KCNJ14: variants seen among roughly 807,000 people sequenced by gnomAD.
KCNJ14 encodes potassium inwardly rectifying channel subfamily J member 14.
Under a neutral mutation model 24.5 loss-of-function variants are expected in KCNJ14, and 18 were observed. The ratio of observed to expected loss-of-function variants is 0.74; its 90% confidence interval spans 0.51 to 1.09. KCNJ14 has a LOEUF of 1.09. KCNJ14 is among the 50% of genes least tolerant of loss of function. The pLI is 0.00. For missense variants in KCNJ14, 633 were observed against 623.0 expected (o/e 1.02, Z -0.17); for synonymous variants, 288 against 270.8 (o/e 1.06, Z -0.63).
At chr19:48,457,315 A>C (rs1388983878) in intron 1 of KCNJ14, among the ~76,000 whole-genome samples, 1 of 152,180 alleles carries the variant, frequency 6.6e-6, no homozygotes, top group Non-Finnish European at 1.5e-5. Flanking sequence ...GCTGAGGCTC[A>C]GGAAAGGATT....
rs1186738528 is a variant in KCNJ14, at chr19:48,461,976, G to A, written c.252G>A (p.Val84=). Reference sequence around the variant, plus strand: ...ACCTGTTCACCACATGCGTGGACGTGCGCTGGCGCTGGATGTGCCTGCTCT... The same window carrying A: ...ACCTGTTCACCACATGCGTGGACGTACGCTGGCGCTGGATGTGCCTGCTCT... ...LSDLFTTCVD[V]RWRWMCLLFS... is the part of the protein sequence containing the mutation. The change falls in exon 2 of 3, where the codon GTG becomes GTA. Residue 84 remains valine, a synonymous_variant. Transcript: ENST00000342291. 1.9e-6 allele frequency: 3 copies of A among 1,613,048 alleles called. No homozygotes were observed. Among genetic ancestry groups the A allele is most frequent in the South Asian group, 1.1e-5 (1 of 91,068 alleles).
At position 48,461,550 on chromosome 19, in the gene KCNJ14, A is replaced by AAAAAAAAAAAAAAAG. The variant is rs370425889; in HGVS notation, c.-55-120_-55-119insAAAAAAAAAAAAAAG. ...CTCCAAAAAAAAAAAAAAAAAAAAAATGCGTATCGTTCCACCTATTTGACA... is the reference window on the plus strand; with the variant it reads ...CTCCAAAAAAAAAAAAAAAAAAAAAAAAAAAAAAAAAAAAGTGCGTATCGTTCCACCTATTTGACA... On this transcript the variant is annotated intron_variant, in intron 1 of 2. Transcript: ENST00000342291. 2.3e-3 allele frequency: 796 copies of AAAAAAAAAAAAAAAG among 351,296 alleles called. 89 individuals are homozygous for AAAAAAAAAAAAAAAG. Among genetic ancestry groups the AAAAAAAAAAAAAAAG allele is most frequent in the African/African-American group, 0.019 (606 of 32,646 alleles). 21.8% of individuals were successfully genotyped at this position (351,296 alleles called of 1,614,324 possible).
rs1254380508 is a variant in KCNJ14 at position 48,462,538 on chromosome 19, GACTACA to G, written c.714+104_714+109del. The G allele has an allele frequency of 1.1e-6, 1 of 889,004 alleles. No individual in the cohort carries two copies. The highest frequency in any genetic ancestry group is 1.7e-5 in the African/African-American group (1 of 57,868). 55.1% of individuals were successfully genotyped at this position (889,004 alleles called of 1,614,324 possible). A position where few individuals can be genotyped will look rare whatever the true frequency, so the allele number is the denominator to read the frequency against. ...GGCGTGCGGTCCTGGAGGGGGCGTG[GACTACA>G]ACTCCCAGCAGCCTCTTGGGCCTGG... On this transcript the variant is annotated intron_variant, in intron 2 of 2. Transcript: ENST00000342291. This position sits in a 1 kb window ranked among gnomAD's most constrained non-coding sequence, Gnocchi z 4.9.
Position 48,464,769 on chromosome 19 carries a change from C to A in KCNJ14, c.1303C>A (p.Pro435Thr). 1 of 1,601,020 alleles carries A rather than the reference C, an allele frequency of 6.2e-7. No individual in the cohort carries two copies. Among genetic ancestry groups the A allele is most frequent in the Non-Finnish European group, 8.5e-7 (1 of 1,177,958 alleles). ...VLTPTLALTL[P>T]P ...CACACCAACCCTGGCGCTGACCCTG[C>A]CTCCATGATGCAAACTGATGTCCCC... The change falls in exon 3 of 3, where the codon CCT becomes ACT. Residue 435 changes from proline to threonine, a missense_variant. Physicochemically the swap from Pro to Thr is conservative, Grantham distance 38 (BLOSUM62 -1). Transcript: ENST00000342291.
In KCNJ14 at chr19:48,462,269, G is replaced by A. The variant is rs1246319420; in HGVS notation, c.545G>A (p.Gly182Asp). The stretch of plus-strand genomic sequence containing the variant: ...TGCGTGCTCGACGCCTTCGTCGTGG[G>A]TGCTGTCATGGCCAAGATGGCCAAA... The part of the protein sequence containing the change: ...AGCVLDAFVV[G>D]AVMAKMAKPK... Residue 182 changes from glycine (G) to aspartate (D), a missense_variant, in exon 2 of 3, where the codon GGT becomes GAT. Coordinates refer to ENST00000342291, the MANE Select transcript of KCNJ14 (RefSeq NM_013348.4). The surrounding 1 kb of genome is among the most constrained non-coding windows in gnomAD (Gnocchi z 4.9). 2.6e-6 allele frequency: 4 copies of A among 1,548,294 alleles called. No homozygotes were observed. Among genetic ancestry groups the A allele is most frequent in the Non-Finnish European group, 3.5e-6 (4 of 1,144,992 alleles).
At position 48,464,061 on chromosome 19, in the gene KCNJ14, AC is replaced by A. The variant is rs1194252298; in HGVS notation, c.715-117del. 1.8e-5 allele frequency: 13 copies of A among 739,410 alleles called. No homozygotes were observed. In the African/African-American group the frequency reaches 2.3e-4, roughly 13 times the overall value. 45.8% of individuals were successfully genotyped at this position (739,410 alleles called of 1,614,324 possible). A position where few individuals can be genotyped will look rare whatever the true frequency, so the allele number is the denominator to read the frequency against. On this transcript the variant is annotated intron_variant, in intron 2 of 2. Coordinates refer to ENST00000342291, the MANE Select transcript of KCNJ14 (RefSeq NM_013348.4). The stretch of plus-strand genomic sequence containing the variant: ...GCCCCATCTCTTGATCTGTGTTCTC[AC>A]CCTTTTCTTCACTCCTGTGGTCTTT...
rs184567128 is a variant in KCNJ14 at position 48,460,320 on chromosome 19, C to T, written c.-55-1350C>T. Among the ~76,000 whole-genome samples the T allele has an allele frequency of 2.4e-3, 360 of 151,998 alleles. 2 individuals carry two copies. The highest frequency in any genetic ancestry group is 8.1e-3 in the African/African-American group (334 of 41,412). On this transcript the variant is annotated intron_variant, in intron 1 of 2. Transcript: ENST00000342291. Reference sequence around the variant, plus strand: ...GTGCAATGGCACGATCTCGGCTCACCGCAACCTCCACCTCCCAGGTTCAAG... The same window carrying T: ...GTGCAATGGCACGATCTCGGCTCACTGCAACCTCCACCTCCCAGGTTCAAG...
chr19:48,458,536 A>G (rs151196369), intron 1 of KCNJ14, among the ~76,000 whole-genome samples: 6,774 of 152,152 alleles, frequency 0.045, 526 homozygotes, highest in African/African-American at 0.15. Context: ...CAGCCTCCAG[A>G]GTAGCTGGGA....
chr19:48,456,795 A>G (rs1044442310), intron 1 of KCNJ14: 1 of 151,424 alleles, frequency 6.6e-6, no homozygotes, highest in African/African-American at 2.4e-5. Flanking sequence ...CCTTTGGTCC[A>G]CCCTGACAGG....
In KCNJ14 at chr19:48,462,281, C is replaced by T. The variant is rs1366073666; in HGVS notation, c.557C>T (p.Ala186Val). The T allele has an allele frequency of 2.6e-6, 4 of 1,547,996 alleles. No homozygotes were observed. The highest frequency in any genetic ancestry group is 3.5e-6 in the Non-Finnish European group (4 of 1,144,726). ...GCCTTCGTCGTGGGTGCTGTCATGG[C>T]CAAGATGGCCAAACCCAAGAAGCGC... Reference protein sequence around the residue: ...LDAFVVGAVMAKMAKPKKRNE... With the variant: ...LDAFVVGAVMVKMAKPKKRNE... Residue 186 changes from alanine to valine, a missense_variant, in exon 2 of 3, where the codon GCC becomes GTC. Physicochemically the swap from Ala to Val is moderately conservative, Grantham distance 64. Coordinates refer to ENST00000342291, the MANE Select transcript of KCNJ14 (RefSeq NM_013348.4). This position sits in a 1 kb window ranked among gnomAD's most constrained non-coding sequence, Gnocchi z 4.9.
At position 48,462,029 on chromosome 19, in the gene KCNJ14, T is replaced by C. The variant is rs763285329; in HGVS notation, c.305T>C (p.Leu102Pro). Residue 102 changes from leucine to proline, a missense_variant, in exon 2 of 3, where the codon CTG (leucine) becomes CCG (proline). Coordinates refer to ENST00000342291, the MANE Select transcript of KCNJ14 (RefSeq NM_013348.4). The surrounding 1 kb of genome is among the most constrained non-coding windows in gnomAD (Gnocchi z 4.9). The part of the protein sequence containing the change: ...LFSCSFLASW[L>P]LFGLAFWLIA... ...TCCTGCTCCTTCCTCGCCTCCTGGCTGCTCTTCGGCCTGGCCTTCTGGCTC... is the reference window on the plus strand; with the variant it reads ...TCCTGCTCCTTCCTCGCCTCCTGGCCGCTCTTCGGCCTGGCCTTCTGGCTC... 5 of 1,612,218 alleles carry C rather than the reference T, an allele frequency of 3.1e-6. No homozygotes were observed. In the Admixed American group the frequency reaches 8.3e-5, roughly 27 times the overall value.
rs1971656065 is a variant in KCNJ14, at chr19:48,466,520, C to T, written c.*1743C>T. ...TAGCTAATTGGAATGAGGTCCTTTT[C>T]AAGGACCCCAGAAGCTTTGCTCTAA... On this transcript the variant is annotated 3_prime_UTR_variant, in exon 3 of 3. Transcript: ENST00000342291. The T allele has an allele frequency of 6.6e-6, 1 of 152,156 alleles. No individual in the cohort carries two copies. 9.4% of individuals were successfully genotyped at this position (152,156 alleles called of 1,614,324 possible).
At position 48,464,850 on chromosome 19, in the gene KCNJ14, C is replaced by T. The variant is rs2147496231; in HGVS notation, c.*73C>T. The T allele has an allele frequency of 8.8e-7, 1 of 1,135,682 alleles. No individual in the cohort carries two copies. 70.4% of individuals were successfully genotyped at this position (1,135,682 alleles called of 1,614,324 possible). ...GCAAGATGGAGGGATGGGGCTCTCT[C>T]CTGGGATGGGGGCAGGTGTTCCTGA... On this transcript the variant is annotated 3_prime_UTR_variant, in exon 3 of 3. Coordinates refer to ENST00000342291, the MANE Select transcript of KCNJ14 (RefSeq NM_013348.4).
chr19:48,457,677 A>G (rs918155032), intron 1 of KCNJ14, among the ~76,000 whole-genome samples: 1 of 152,012 alleles, frequency 6.6e-6, no homozygotes, highest in Admixed American at 6.5e-5. Flanking sequence ...TGCAGCCATC[A>G]CAATTAATTT....
At chr19:48,459,406 CTT>C (rs1432102383) in intron 1 of KCNJ14, among the ~76,000 whole-genome samples, 1 of 151,944 alleles carries the variant, frequency 6.6e-6, no homozygotes, top group Non-Finnish European at 1.5e-5. Flanking sequence ...TCTTAAAAAG[CTT>C]TTTTGAGACA....
chr19:48,459,824 T>A (rs1239712659), intron 1 of KCNJ14, among the ~76,000 whole-genome samples: 1 of 151,576 alleles, frequency 6.6e-6, no homozygotes, highest in Non-Finnish European at 1.5e-5. Context: ...AGGTCAGGAG[T>A]TCAAGACCAG....
rs78311742 is a variant in KCNJ14, at chr19:48,466,096, T to C, written c.*1319T>C. The stretch of plus-strand genomic sequence containing the variant: ...TTTTCTTTTTCTTTTTTTTTTTTTT[T>C]TGAGACTGAGTCTCGCTCTGCCGCC... On this transcript the variant is annotated 3_prime_UTR_variant, in exon 3 of 3. Transcript: ENST00000342291. The C allele has an allele frequency of 6.6e-6, 1 of 150,976 alleles. No individual in the cohort carries two copies. Among genetic ancestry groups the C allele is most frequent in the African/African-American group, 2.4e-5 (1 of 41,230 alleles). The allele number at this position is 150,976 out of a possible 1,614,324, so 9.4% of individuals were successfully genotyped here. A position where few individuals can be genotyped will look rare whatever the true frequency, so the allele number is the denominator to read the frequency against.
chr19:48,458,300 C>T (rs1000128892), intron 1 of KCNJ14, among the ~76,000 whole-genome samples: 1 of 152,190 alleles, frequency 6.6e-6, no homozygotes, highest in African/African-American at 2.4e-5. Flanking sequence ...TTTTCATTCC[C>T]CACAGCAGTG....
At position 48,464,846 on chromosome 19, in the gene KCNJ14, C is replaced by A; in HGVS notation, c.*69C>A. On this transcript the variant is annotated 3_prime_UTR_variant, in exon 3 of 3. Coordinates refer to ENST00000342291, the MANE Select transcript of KCNJ14 (RefSeq NM_013348.4). ...GGTAGCAAGATGGAGGGATGGGGCTCTCTCCTGGGATGGGGGCAGGTGTTC... is the reference window on the plus strand; with the variant it reads ...GGTAGCAAGATGGAGGGATGGGGCTATCTCCTGGGATGGGGGCAGGTGTTC... 8.5e-7 allele frequency: 1 copy of A among 1,176,388 alleles called. No homozygotes were observed. The highest frequency in any genetic ancestry group is 1.2e-6 in the Non-Finnish European group (1 of 810,852). The allele number at this position is 1,176,388 out of a possible 1,614,324, so 72.9% of individuals were successfully genotyped here.
Sources: gnomAD v4.1 joint callset for allele counts (sites outside exome capture counted in the v4.1 genomes callset) on GRCh38, gnomAD v4.1.1 for gene constraint, Gnocchi (gnomAD v3.1) non-coding constraint, MANE v1.5 for transcripts, NCBI Gene and HGNC (gene_info 2026-07-23, HGNC 2026-07-21) for gene names.